TMED2: variants seen among roughly 807,000 people sequenced by gnomAD.
TMED2 encodes the protein transmembrane emp24 domain-containing protein 2.
In TMED2, 3 loss-of-function variants were observed where a neutral mutation model predicts 17.5. That is an observed-to-expected ratio of 0.17 (90% CI 0.08 to 0.44). The LOEUF (loss-of-function observed/expected upper bound fraction) is 0.44, where lower values mean the gene tolerates loss of function less well. Among genes scored for constraint, TMED2 ranks in the 20% least tolerant of loss-of-function variants. The probability of loss-of-function intolerance (pLI) is 0.99; values close to 1 mark genes in which losing one functional copy is unlikely to be tolerated. For missense variants in TMED2, 149 were observed against 254.8 expected (o/e 0.58, Z 2.83); for synonymous variants, 95 against 91.0 (o/e 1.04, Z -0.25).
intron 3 of TMED2, among the ~76,000 whole-genome samples, chr12:123,592,563 C>T (rs754157449): frequency 2.4e-4 from 36 of 152,202 alleles, no homozygotes; most frequent in Non-Finnish European, 4.7e-4. Context: ...TTAGCAATTT[C>T]TAGAATTGAG....
Position 123,597,488 on chromosome 12 carries a change from T to A in TMED2, c.*759T>A, listed in dbSNP as rs1447878999. ...TTCTTTCCACATTGGCACATTCACT[T>A]CTCCCACTCTTGGCATGTAAGAAAT... is the stretch of plus-strand genomic sequence containing the variant. On this transcript the variant is annotated 3_prime_UTR_variant, in exon 4 of 4. Transcript: ENST00000262225. 1 of 152,588 alleles carries A rather than the reference T, an allele frequency of 6.6e-6. No individual in the cohort carries two copies. The highest frequency in any genetic ancestry group is 2.4e-5 in the African/African-American group (1 of 41,452). 9.5% of individuals were successfully genotyped at this position (152,588 alleles called of 1,614,324 possible).
chr12:123,588,705 C>T (rs1161339940), intron 2 of TMED2, among the ~76,000 whole-genome samples: 4 of 152,052 alleles, frequency 2.6e-5, no homozygotes, highest in East Asian at 1.9e-4. Context: ...ATTTTTTATT[C>T]GGAAGACTGG....
chr12:123,590,462 C>A lies in TMED2; in HGVS notation c.481+13C>A. 6.3e-7 allele frequency: 1 copy of A among 1,576,196 alleles called. No individual in the cohort carries two copies. The highest frequency in any genetic ancestry group is 1.1e-5 in the South Asian group (1 of 88,648). On this transcript the variant is annotated intron_variant, in intron 3 of 3. Coordinates refer to ENST00000262225, the MANE Select transcript of TMED2 (RefSeq NM_006815.4). ...ATACACAGAGCCAGTAAGTGAATGC[C>A]GTCACTTTGCAGCAGTGTCTGATGG... is the stretch of plus-strand genomic sequence containing the variant.
At chr12:123,594,842 G>A (rs1356115529) in intron 3 of TMED2, among the ~76,000 whole-genome samples, 1 of 151,714 alleles carries the variant, frequency 6.6e-6, no homozygotes, top group East Asian at 1.9e-4. Flanking sequence ...AGCTGAGATC[G>A]CGTCATTGCA....
rs1428495756 is a variant in TMED2, at chr12:123,593,773, C to T, written c.482-2832C>T. On this transcript the variant is annotated intron_variant, in intron 3 of 3. Coordinates refer to ENST00000262225, the MANE Select transcript of TMED2 (RefSeq NM_006815.4). Reference sequence around the variant, plus strand: ...TTGGCCTCCCAAAGTGCTGGGATTACAGGCGTGAGCCACCACGCCAAGCCC... The same window carrying T: ...TTGGCCTCCCAAAGTGCTGGGATTATAGGCGTGAGCCACCACGCCAAGCCC... 2.0e-5 allele frequency among the ~76,000 whole-genome samples: 3 copies of T among 152,096 alleles called. No individual in the cohort carries two copies. In the East Asian group the frequency reaches 5.8e-4, roughly 29 times the overall value.
In TMED2 at chr12:123,598,517, T is replaced by C. The variant is rs1020182544; in HGVS notation, c.*1788T>C. The C allele has an allele frequency of 4.6e-5, 7 of 152,230 alleles. No homozygotes were observed. Among genetic ancestry groups the C allele is most frequent in the African/African-American group, 1.7e-4 (7 of 41,448 alleles). The allele number at this position is 152,230 out of a possible 1,614,324, so 9.4% of individuals were successfully genotyped here. On this transcript the variant is annotated 3_prime_UTR_variant, in exon 4 of 4. Coordinates refer to ENST00000262225, the MANE Select transcript of TMED2 (RefSeq NM_006815.4). Reference sequence around the variant, plus strand: ...GAACCGGAGACTAGATCACCACCTGTAGAAACTGTTCTTCCTCTGTGAAAC... The same window carrying C: ...GAACCGGAGACTAGATCACCACCTGCAGAAACTGTTCTTCCTCTGTGAAAC...
chr12:123,594,147 T>G (rs894824612), intron 3 of TMED2, among the ~76,000 whole-genome samples: 3 of 151,258 alleles, frequency 2.0e-5, no homozygotes, highest in Non-Finnish European at 3.0e-5. Flanking sequence ...ATTTTTTTTT[T>G]TTTTTGAGAT....
At chr12:123,587,024 T>G in intron 2 of TMED2, 85 bp downstream of exon 2, 1 of 1,231,130 alleles carries the variant, frequency 8.1e-7, no homozygotes, top group South Asian at 2.9e-5. Context: ...AGTGGAGTAC[T>G]TATTTTTTTT....
chr12:123,596,554 C>A (rs746610622), intron 3 of TMED2, 51 bp from the exon 4 acceptor site: 1 of 1,569,472 alleles, frequency 6.4e-7, no homozygotes, highest in Non-Finnish European at 8.6e-7. Context: ...ATGCCTATGT[C>A]TTTTTGGGGG....
At chr12:123,595,325 T>C (rs1953423240) in intron 3 of TMED2, among the ~76,000 whole-genome samples, 1 of 152,208 alleles carries the variant, frequency 6.6e-6, no homozygotes, top group Admixed American at 6.5e-5. Context: ...ACTTTAAGGA[T>C]CAAATCCTTA....
rs1000423998 is a variant in TMED2 at position 123,598,158 on chromosome 12, A to G, written c.*1429A>G. The G allele has an allele frequency of 6.6e-6, 1 of 152,514 alleles. No individual in the cohort carries two copies. Among genetic ancestry groups the G allele is most frequent in the Non-Finnish European group, 1.5e-5 (1 of 68,030 alleles). 9.4% of individuals were successfully genotyped at this position (152,514 alleles called of 1,614,324 possible). On this transcript the variant is annotated 3_prime_UTR_variant, in exon 4 of 4. Transcript: ENST00000262225. ...TTAAAAACAGTATTCTGTGTTTTATATATTGACAGCTAATCCACATTTTTT... is the reference window on the plus strand; with the variant it reads ...TTAAAAACAGTATTCTGTGTTTTATGTATTGACAGCTAATCCACATTTTTT...
At chr12:123,586,683 A>C in intron 1 of TMED2, 64 bp from the exon 2 acceptor site, 1 of 1,447,496 alleles carries the variant, frequency 6.9e-7, no homozygotes, top group East Asian at 2.4e-5. Flanking sequence ...GCCATTAGAC[A>C]TTACTTATAA....
chr12:123,590,759 G>A (rs1953386542), intron 3 of TMED2, among the ~76,000 whole-genome samples: 2 of 152,152 alleles, frequency 1.3e-5, no homozygotes, highest in Admixed American at 6.5e-5. Flanking sequence ...TGAGGCAGGC[G>A]GATCACCTGA....
rs746929662 is a variant in TMED2 at position 123,597,401 on chromosome 12, C to T, written c.*672C>T. ...CTAATAACCATTTCTGGGTTTCTGC[C>T]TAACCCCCTAATTGTCTGTTAAAGC... is the stretch of plus-strand genomic sequence containing the variant. On this transcript the variant is annotated 3_prime_UTR_variant, in exon 4 of 4. Coordinates refer to ENST00000262225, the MANE Select transcript of TMED2 (RefSeq NM_006815.4). 7.2e-5 allele frequency: 11 copies of T among 152,248 alleles called. No homozygotes were observed. The highest frequency in any genetic ancestry group is 1.6e-4 in the Non-Finnish European group (11 of 68,044). The allele number at this position is 152,248 out of a possible 1,614,324, so 9.4% of individuals were successfully genotyped here.
chr12:123,589,202 GTC>G (rs1363990398), intron 2 of TMED2, among the ~76,000 whole-genome samples: 2 of 152,338 alleles, frequency 1.3e-5, no homozygotes, highest in East Asian at 1.9e-4. Context: ...CTAAGGGCTT[GTC>G]TCTCTACTTA....
In TMED2 at chr12:123,597,702, T is replaced by G. The variant is rs1189137370; in HGVS notation, c.*973T>G. The G allele has an allele frequency of 6.6e-6, 1 of 152,648 alleles. No individual in the cohort carries two copies. The highest frequency in any genetic ancestry group is 1.5e-5 in the Non-Finnish European group (1 of 68,036). The allele number at this position is 152,648 out of a possible 1,614,324, so 9.5% of individuals were successfully genotyped here. ...TTTGTTTCTTTTGGGTCTTTCTTTTTTGGCACATGTGAATCTTGTTTTGTG... is the reference window on the plus strand; with the variant it reads ...TTTGTTTCTTTTGGGTCTTTCTTTTGTGGCACATGTGAATCTTGTTTTGTG... On this transcript the variant is annotated 3_prime_UTR_variant, in exon 4 of 4. Coordinates refer to ENST00000262225, the MANE Select transcript of TMED2 (RefSeq NM_006815.4).
chr12:123,591,644 T>C (rs1269414855), intron 3 of TMED2, among the ~76,000 whole-genome samples: 5 of 152,122 alleles, frequency 3.3e-5, no homozygotes, highest in Admixed American at 1.3e-4. Context: ...TAGCCGGGCA[T>C]GGTGGCACGC....
rs1010817015 is a variant in TMED2 at position 123,598,268 on chromosome 12, A to G, written c.*1539A>G. ...TACCTATTACGTCTGTTACTTTTTA[A>G]TTCTATAAACTTGAGGATAGTGAAT... On this transcript the variant is annotated 3_prime_UTR_variant, in exon 4 of 4. Transcript: ENST00000262225. 6.6e-6 allele frequency: 1 copy of G among 152,108 alleles called. No individual in the cohort carries two copies. Among genetic ancestry groups the G allele is most frequent in the African/African-American group, 2.4e-5 (1 of 41,410 alleles). 9.4% of individuals were successfully genotyped at this position (152,108 alleles called of 1,614,324 possible). A position where few individuals can be genotyped will look rare whatever the true frequency, so the allele number is the denominator to read the frequency against.
chr12:123,585,096 A>G, intron 1 of TMED2: 22 of 349,350 alleles, frequency 6.3e-5, no homozygotes, highest in Middle Eastern at 8.3e-4. Flanking sequence ...TCCTGTTGGA[A>G]CCTCTCGCTG....
Sources: allele counts gnomAD v4.1 joint callset (sites outside exome capture counted in the v4.1 genomes callset), GRCh38; gene constraint gnomAD v4.1.1; transcripts MANE v1.5; gene names NCBI Gene and HGNC (gene_info 2026-07-23, HGNC 2026-07-21).